The following SPATA13 variants were observed in gnomAD, a reference collection of about 807,000 sequenced individuals.
SPATA13 encodes spermatogenesis-associated protein 13.
A neutral mutation model predicts 104.0 loss-of-function variants in SPATA13; 50 were observed. That is an observed-to-expected ratio of 0.48 (90% CI 0.38 to 0.61). The LOEUF (loss-of-function observed/expected upper bound fraction) is 0.61, where lower values mean the gene tolerates loss of function less well. Among genes scored for constraint, SPATA13 ranks in the 20% least tolerant of loss-of-function variants. The probability of loss-of-function intolerance (pLI) is 0.00; values close to 1 mark genes in which losing one functional copy is unlikely to be tolerated. For synonymous variants in SPATA13, 606 were observed against 667.5 expected, an observed-to-expected ratio of 0.91 and a Z score of 1.42; for missense variants, 1,524 against 1,690.6, an observed-to-expected ratio of 0.90 and a Z score of 1.73.
At chr13:24,100,686 G>A (rs1401110963) in intron 3 of SPATA13, among the ~76,000 whole-genome samples, 1 of 152,128 alleles carries the variant, frequency 6.6e-6, no homozygotes, top group African/African-American at 2.4e-5. Context: ...CTAGAATTTT[G>A]ATCTTCTACT....
rs1368341476 is a variant in SPATA13 at position 24,290,766 on chromosome 13, CT to C, written c.2963del (p.Leu988ArgfsTer5). 2 of 1,614,106 alleles carry C rather than the reference CT, an allele frequency of 1.2e-6. No individual in the cohort carries two copies. The highest frequency in any genetic ancestry group is 1.7e-6 in the Non-Finnish European group (2 of 1,180,040). On this transcript the variant is annotated frameshift_variant, in exon 9 of 13. Coordinates refer to ENST00000382108, the MANE Select transcript of SPATA13 (RefSeq NM_001166271.3). LOFTEE classifies it high-confidence loss of function. ...CAGACATTTCTTTGAAGCCTGCCGC[CT>C]GCTGCAGCAGATGATTGACATCGCC... is the stretch of plus-strand genomic sequence containing the variant. The part of the protein sequence containing the change: ...KYRHFFEACR[L>X]LQQMIDIAID...
chr13:24,060,751 C>A (rs913098125), intron 3 of SPATA13, among the ~76,000 whole-genome samples: 1 of 152,140 alleles, frequency 6.6e-6, no homozygotes, highest in Non-Finnish European at 1.5e-5. Context: ...AAGAGAAAAG[C>A]AAACAACTCC....
rs193070732 is a variant in SPATA13, at chr13:24,210,744, A to G, written c.-111-12075A>G. ...TTGCTTTGTCCGTCTGGAATCTTTT[A>G]TGGTTCTATATGAATTTTAGGGTTT... On this transcript the variant is annotated intron_variant, in intron 1 of 12. Transcript: ENST00000382108. Among the ~76,000 whole-genome samples, 14 of 121,252 alleles carry G rather than the reference A, an allele frequency of 1.2e-4. No homozygotes were observed. In the East Asian group the frequency reaches 3.3e-3, roughly 29 times the overall value. 79.5% of individuals were successfully genotyped at this position (121,252 alleles called of 152,430 possible).
Position 24,223,763 on chromosome 13 carries a change from G to A in SPATA13, c.834G>A (p.Arg278=). The change falls in exon 2 of 13, where the codon AGG becomes AGA. Residue 278 remains arginine (R), a synonymous_variant. Transcript: ENST00000382108. ...CCACCTCCAATCTTGCAGACCTCAGGACGGCCCATGACGCACGGGTACCAC... is the reference window on the plus strand; with the variant it reads ...CCACCTCCAATCTTGCAGACCTCAGAACGGCCCATGACGCACGGGTACCAC... ...RKSTSNLADL[R]TAHDARVPQR... The A allele has an allele frequency of 5.8e-6, 9 of 1,551,864 alleles. No homozygotes were observed. Among genetic ancestry groups the A allele is most frequent in the Non-Finnish European group, 7.8e-6 (9 of 1,147,024 alleles).
intron 3 of SPATA13, among the ~76,000 whole-genome samples, chr13:24,154,509 G>C (rs4628803): frequency 0.18 from 26,842 of 152,010 alleles, 3,064 homozygotes; most frequent in East Asian, 0.62. Flanking sequence ...TACCTTTGGG[G>C]TACTGGGCAT....
At chr13:24,128,928 A>G (rs1259207300) in intron 3 of SPATA13, among the ~76,000 whole-genome samples, 1 of 152,198 alleles carries the variant, frequency 6.6e-6, no homozygotes, top group Non-Finnish European at 1.5e-5. Context: ...CCCAAGATCA[A>G]GTAATGATTG....
intron 1 of SPATA13, among the ~76,000 whole-genome samples, chr13:24,219,069 G>A (rs991344563): frequency 4.0e-5 from 6 of 150,462 alleles, no homozygotes; most frequent in Non-Finnish European, 8.8e-5. Context: ...TGTAGACAGT[G>A]GATTTCACAA....
At chr13:24,222,509 T>C (rs1265771349) in intron 1 of SPATA13, among the ~76,000 whole-genome samples, 1 of 152,236 alleles carries the variant, frequency 6.6e-6, no homozygotes, top group Non-Finnish European at 1.5e-5. Flanking sequence ...AAAGATAGTG[T>C]TGAATGATAC....
intron 3 of SPATA13, among the ~76,000 whole-genome samples, chr13:24,047,661 T>A (rs1000941885): frequency 1.3e-5 from 2 of 152,132 alleles, no homozygotes; most frequent in Admixed American, 6.5e-5. Flanking sequence ...AGTGTGGGAG[T>A]TCTTCTTTAT....
intron 3 of SPATA13, among the ~76,000 whole-genome samples, chr13:24,073,924 C>G (rs1001345622): frequency 2.0e-5 from 3 of 152,198 alleles, no homozygotes; most frequent in Admixed American, 6.5e-5. Context: ...AGATGTGCAG[C>G]CTTGCACACC....
At chr13:24,033,935 A>G (rs1877580739) in intron 3 of SPATA13, 3 of 152,242 alleles carry the variant, frequency 2.0e-5, no homozygotes, top group Admixed American at 1.3e-4. Context: ...GAAGAAGGCA[A>G]TGGTGTTTTT....
At chr13:24,271,041 A>ACTCTCTCTCTCT (rs71928912) in intron 4 of SPATA13, 341 of 482,388 alleles carry the variant, frequency 7.1e-4, no homozygotes, top group South Asian at 1.1e-3. Flanking sequence ...TCTCTCTCTC[A>ACTCTCTCTCTCT]CTCTCTCTCT....
intron 1 of SPATA13, among the ~76,000 whole-genome samples, chr13:24,173,456 G>A (rs1351363207): frequency 6.6e-6 from 1 of 150,994 alleles, no homozygotes; most frequent in African/African-American, 2.4e-5. Context: ...CAAATGGAAT[G>A]GCTTTATTTC....
chr13:24,055,048 G>A (rs981161191), intron 3 of SPATA13, among the ~76,000 whole-genome samples: 1 of 152,164 alleles, frequency 6.6e-6, no homozygotes, highest in Non-Finnish European at 1.5e-5. Context: ...ATATGCCAAT[G>A]TTGTGCCCTG....
intron 3 of SPATA13, chr13:24,123,120 TG>T (rs1566112155): frequency 2.1e-5 from 21 of 1,012,792 alleles, no homozygotes; most frequent in Non-Finnish European, 2.7e-5. Context: ...CTGAATTGCA[TG>T]GGTAAGGTCA....
chr13:24,128,125 A>T (rs1398424431), intron 3 of SPATA13, among the ~76,000 whole-genome samples: 4 of 152,200 alleles, frequency 2.6e-5, no homozygotes, highest in Non-Finnish European at 5.9e-5. Context: ...TAAATCCTGG[A>T]GTCCTGGGGC....
intron 3 of SPATA13, among the ~76,000 whole-genome samples, chr13:24,038,686 C>G (rs1566081705): frequency 6.6e-6 from 1 of 152,102 alleles, no homozygotes; most frequent in Non-Finnish European, 1.5e-5. Flanking sequence ...TGAGTTGGCC[C>G]CTCGCATCCA....
At chr13:24,023,962 A>C (rs1391000503) in intron 3 of SPATA13, among the ~76,000 whole-genome samples, 1 of 152,234 alleles carries the variant, frequency 6.6e-6, no homozygotes, top group Non-Finnish European at 1.5e-5. Context: ...CGCTAATATC[A>C]TAGTCAGTTC....
At chr13:24,254,411 C>T (rs1243302620) in intron 4 of SPATA13, 1 of 152,272 alleles carries the variant, frequency 6.6e-6, no homozygotes, top group African/African-American at 2.4e-5. Flanking sequence ...GCTTGCGTCC[C>T]ATCCAGGGCA....
Sources: allele counts gnomAD v4.1 joint callset (sites outside exome capture counted in the v4.1 genomes callset), GRCh38; gene constraint gnomAD v4.1.1; transcripts MANE v1.5; gene names NCBI Gene and HGNC (gene_info 2026-07-23, HGNC 2026-07-21).